Variants in BTRC observed in about 807,000 individuals in gnomAD.
The protein encoded by BTRC is beta-transducin repeat containing E3 ubiquitin protein ligase, also known as F-box/WD repeat-containing protein 1A.
A neutral mutation model predicts 85.5 loss-of-function variants in BTRC; 42 were observed. That is an observed-to-expected ratio of 0.49 (90% confidence interval 0.38 to 0.64). The LOEUF (loss-of-function observed/expected upper bound fraction) is 0.64, where lower values mean the gene tolerates loss of function less well. BTRC is among the 30% of genes least tolerant of loss of function. The probability of loss-of-function intolerance (pLI) is 0.00; values close to 1 mark genes in which losing one functional copy is unlikely to be tolerated. For synonymous variants in BTRC, 255 were observed against 263.3 expected, an observed-to-expected ratio of 0.97 and a Z score of 0.30; for missense variants, 594 against 743.5, an observed-to-expected ratio of 0.80 and a Z score of 2.34.
At chr10:101,456,402 GAAAA>G (rs777459910) in intron 2 of BTRC, among the ~76,000 whole-genome samples, 1 of 151,270 alleles carries the variant, frequency 6.6e-6, no homozygotes, top group Non-Finnish European at 1.5e-5. Flanking sequence ...TATGTTCAAA[GAAAA>G]AAAAGGAATG....
Position 101,354,186 on chromosome 10 carries a change from C to A in BTRC, c.6C>A (p.Asp2Glu). Residue 2 changes from aspartate (D) to glutamate (E), a missense_variant, in exon 1 of 15, where the codon GAC becomes GAA. Transcript: ENST00000370187. ...ACCCAGTGGCCTCGGCGATTATGGACCCGGCCGAGGCGGTGCTGCAAGAGA... is the reference window on the plus strand; with the variant it reads ...ACCCAGTGGCCTCGGCGATTATGGAACCGGCCGAGGCGGTGCTGCAAGAGA... The part of the protein sequence containing the change: M[D>E]PAEAVLQEKA... The A allele has an allele frequency of 1.3e-6, 2 of 1,549,124 alleles. No individual in the cohort carries two copies. The highest frequency in any genetic ancestry group is 1.7e-6 in the Non-Finnish European group (2 of 1,146,720).
chr10:101,453,974 G>A (rs1020055710), intron 2 of BTRC, among the ~76,000 whole-genome samples: 1 of 152,166 alleles, frequency 6.6e-6, no homozygotes, highest in African/African-American at 2.4e-5. Flanking sequence ...ATGGCTATGG[G>A]CCAGTTAAAC....
At chr10:101,525,780 A>G (rs1272740217) in intron 5 of BTRC, among the ~76,000 whole-genome samples, 1 of 152,010 alleles carries the variant, frequency 6.6e-6, no homozygotes, top group Non-Finnish European at 1.5e-5. Flanking sequence ...GTTAGCTTTA[A>G]CTTCCTTATC....
At chr10:101,522,352 T>TAAAAAAA (rs34282047) in intron 5 of BTRC, among the ~76,000 whole-genome samples, 25 of 42,090 alleles carry the variant, frequency 5.9e-4, no homozygotes, top group Non-Finnish European at 9.6e-4. Flanking sequence ...TATAAAGCTT[T>TAAAAAAA]AAAAAAAAAA....
At chr10:101,548,376 G>T (rs2062591434) in intron 13 of BTRC, among the ~76,000 whole-genome samples, 1 of 152,142 alleles carries the variant, frequency 6.6e-6, no homozygotes, top group African/African-American at 2.4e-5. Flanking sequence ...TCATACAGTG[G>T]AATATCAACC....
At chr10:101,507,452 G>A (rs1010386496) in intron 4 of BTRC, among the ~76,000 whole-genome samples, 2 of 152,212 alleles carry the variant, frequency 1.3e-5, no homozygotes, top group African/African-American at 4.8e-5. Context: ...CCGATCCGGG[G>A]AAATGATGAT....
At chr10:101,530,912 G>A (rs905453885) in intron 6 of BTRC, among the ~76,000 whole-genome samples, 2 of 152,228 alleles carry the variant, frequency 1.3e-5, no homozygotes, top group African/African-American at 4.8e-5. Context: ...GATGGCTCAC[G>A]CCTGTAATCC....
chr10:101,420,262 C>T (rs1944064052), intron 1 of BTRC, among the ~76,000 whole-genome samples: 1 of 151,652 alleles, frequency 6.6e-6, no homozygotes, highest in Admixed American at 6.6e-5. Flanking sequence ...TTTGATCTGC[C>T]ACCTTTATTT....
intron 3 of BTRC, among the ~76,000 whole-genome samples, chr10:101,465,828 G>A (rs1945358357): frequency 6.6e-6 from 1 of 152,112 alleles, no homozygotes; most frequent in Admixed American, 6.6e-5. Flanking sequence ...AAGAGTTTGG[G>A]GTAGGGAGAG....
At chr10:101,378,550 A>T (rs1942848793) in intron 1 of BTRC, among the ~76,000 whole-genome samples, 1 of 141,052 alleles carries the variant, frequency 7.1e-6, no homozygotes. Flanking sequence ...TTTGAGACGA[A>T]GTCTCACTCT....
At chr10:101,370,336 ACTCCTGGACTCAAGTG>A (rs2134536549) in intron 1 of BTRC, among the ~76,000 whole-genome samples, 1 of 151,072 alleles carries the variant, frequency 6.6e-6, no homozygotes, top group African/African-American at 2.4e-5. Context: ...CTGGTCTCAA[ACTCCTGGACTCAAGTG>A]ATCCTCTGGC....
At chr10:101,453,856 A>G (rs1945009630) in intron 2 of BTRC, among the ~76,000 whole-genome samples, 1 of 152,244 alleles carries the variant, frequency 6.6e-6, no homozygotes, top group Non-Finnish European at 1.5e-5. Context: ...GTAAAGGGGC[A>G]GATAATAAAC....
intron 3 of BTRC, among the ~76,000 whole-genome samples, chr10:101,469,840 A>G (rs1300871716): frequency 2.0e-5 from 3 of 152,208 alleles, no homozygotes; most frequent in Non-Finnish European, 2.9e-5. Flanking sequence ...AATTTTGTGT[A>G]ATGGAATGCT....
At chr10:101,480,717 A>C (rs1238704601) in intron 4 of BTRC, among the ~76,000 whole-genome samples, 1 of 152,234 alleles carries the variant, frequency 6.6e-6, no homozygotes, top group African/African-American at 2.4e-5. Context: ...GTATCACACA[A>C]AATATAACCA....
At chr10:101,499,874 A>G (rs1351498533) in intron 4 of BTRC, among the ~76,000 whole-genome samples, 2 of 151,936 alleles carry the variant, frequency 1.3e-5, no homozygotes, top group Non-Finnish European at 2.9e-5. Context: ...TTTAGTTATT[A>G]CAATAGCTAG....
At chr10:101,450,491 A>T (rs528305615) in intron 2 of BTRC, among the ~76,000 whole-genome samples, 2 of 152,276 alleles carry the variant, frequency 1.3e-5, no homozygotes, top group South Asian at 4.1e-4. Flanking sequence ...CTCAGTGCTT[A>T]GTTGAGCTTG....
intron 3 of BTRC, among the ~76,000 whole-genome samples, chr10:101,473,949 G>A (rs982671717): frequency 2.0e-5 from 3 of 152,002 alleles, no homozygotes; most frequent in African/African-American, 7.3e-5. Flanking sequence ...TTTCTATTTA[G>A]TTTATTTTTG....
At chr10:101,549,230 C>G (rs1345311832) in intron 13 of BTRC, among the ~76,000 whole-genome samples, 3 of 128,518 alleles carry the variant, frequency 2.3e-5, no homozygotes, top group Non-Finnish European at 4.8e-5. Flanking sequence ...GTCTTGAGTT[C>G]AAGACCAGCC....
At chr10:101,533,137 A>G (rs1361710204) in intron 9 of BTRC, 67 bp downstream of exon 9, 1 of 1,202,416 alleles carries the variant, frequency 8.3e-7, no homozygotes, top group Non-Finnish European at 1.2e-6. Context: ...TGTCATAGAT[A>G]GTAATTTTGT....
Sources: allele counts gnomAD v4.1 joint callset (sites outside exome capture counted in the v4.1 genomes callset), GRCh38; gene constraint gnomAD v4.1.1; transcripts MANE v1.5; gene names NCBI Gene and HGNC (gene_info 2026-07-23, HGNC 2026-07-21).